The following FAM91A1 variants were observed in gnomAD, a reference collection of about 807,000 sequenced individuals.
FAM91A1 encodes the protein protein FAM91A1.
In FAM91A1, 41 loss-of-function variants were observed where a neutral mutation model predicts 113.5. The observed-to-expected ratio is 0.36, with a 90% confidence interval of 0.28 to 0.47. The LOEUF (loss-of-function observed/expected upper bound fraction) is 0.47, where lower values mean the gene tolerates loss of function less well. Among genes scored for constraint, FAM91A1 ranks in the 20% least tolerant of loss-of-function variants. The pLI, the probability that FAM91A1 is intolerant of heterozygous loss-of-function variation, is 1.00. For synonymous variants in FAM91A1, 307 were observed against 347.9 expected, an observed-to-expected ratio of 0.88 and a Z score of 1.31; for missense variants, 696 against 1,001.2, an observed-to-expected ratio of 0.70 and a Z score of 4.11.
intron 23 of FAM91A1, 26 bp from the exon 24 acceptor site, chr8:123,812,493 A>G (rs1469754713): frequency 3.9e-6 from 6 of 1,547,700 alleles, no homozygotes; most frequent in South Asian, 1.3e-5. Context: ...GTTGAATATC[A>G]TTTCTCTTGT....
intron 16 of FAM91A1, 68 bp from the exon 17 acceptor site, chr8:123,799,452 T>G: frequency 6.8e-7 from 1 of 1,464,590 alleles, no homozygotes; most frequent in Non-Finnish European, 9.2e-7. Context: ...TTGCTGTTTA[T>G]AAGACTGTTC....
At chr8:123,777,227 T>C in intron 3 of FAM91A1, 38 bp from the exon 4 acceptor site, 2 of 1,336,304 alleles carry the variant, frequency 1.5e-6, no homozygotes, top group Non-Finnish European at 2.1e-6. Flanking sequence ...TTTAAGGACA[T>C]TTTAGATTTC....
chr8:123,778,090 A>C lies in FAM91A1; in HGVS notation c.433A>C (p.Lys145Gln). 1 of 1,591,228 alleles carries C rather than the reference A, an allele frequency of 6.3e-7. No individual in the cohort carries two copies. Among genetic ancestry groups the C allele is most frequent in the South Asian group, 1.1e-5 (1 of 89,144 alleles). Residue 145 changes from lysine (K) to glutamine (Q), a missense_variant and splice_region_variant, in exon 5 of 24, where the codon AAA becomes CAA. Coordinates refer to ENST00000334705, the MANE Select transcript of FAM91A1 (RefSeq NM_144963.4). ...IDLMNQCRSS[K>Q]KFFRRKTARD... ...TCTTATGAATCAGTGTAGATCATCA[A>C]AAGTAAGTTAGTACTTTCTTTTTCA... is the stretch of plus-strand genomic sequence containing the variant.
At position 123,773,544 on chromosome 8, in the gene FAM91A1, T is replaced by C. The variant is rs994577281; in HGVS notation, c.73-536T>C. Among the ~76,000 whole-genome samples the C allele has an allele frequency of 2.0e-5, 3 of 152,346 alleles. No individual in the cohort carries two copies. In the East Asian group the frequency reaches 5.8e-4, roughly 29 times the overall value. ...ATTCTAAAATTGTCTAAATGCCTTC[T>C]AATGAGGCCACAGGAGATTGCATTT... On this transcript the variant is annotated intron_variant, in intron 1 of 23. Transcript: ENST00000334705.
chr8:123,815,205 A>G lies in FAM91A1; in HGVS notation c.*2501A>G, dbSNP rs187341886. The G allele has an allele frequency of 6.6e-6, 1 of 152,316 alleles. No homozygotes were observed. Among genetic ancestry groups the G allele is most frequent in the African/African-American group, 2.4e-5 (1 of 41,390 alleles). 9.4% of individuals were successfully genotyped at this position (152,316 alleles called of 1,614,324 possible). On this transcript the variant is annotated 3_prime_UTR_variant, in exon 24 of 24. Coordinates refer to ENST00000334705, the MANE Select transcript of FAM91A1 (RefSeq NM_144963.4). The stretch of plus-strand genomic sequence containing the variant: ...TGTTTTTTTTTCAGGGGAGCGGAAT[A>G]TTGGTTTCTTTTACTTGTTGTTTTC...
intron 1 of FAM91A1, 130 bp downstream of exon 1, chr8:123,768,904 G>A: frequency 1.1e-6 from 1 of 931,530 alleles, no homozygotes; most frequent in Non-Finnish European, 1.7e-6. Flanking sequence ...CCGTGGTCTT[G>A]GGGAGACGGA....
intron 16 of FAM91A1, 125 bp downstream of exon 16, chr8:123,798,363 G>T (rs775177074): frequency 3.7e-6 from 4 of 1,083,736 alleles, no homozygotes; most frequent in Non-Finnish European, 5.2e-6. Context: ...TGTATTTTAT[G>T]CCTTTGTAAG....
At chr8:123,799,677 G>GT (rs1226716508) in intron 17 of FAM91A1, 23 bp downstream of exon 17, 2 of 1,612,510 alleles carry the variant, frequency 1.2e-6, no homozygotes, top group East Asian at 4.5e-5. Flanking sequence ...GGTTTGGGTG[G>GT]TTTTTTTATG....
chr8:123,787,168 T>C (rs1456172692), intron 12 of FAM91A1, 93 bp from the exon 13 acceptor site: 4 of 951,032 alleles, frequency 4.2e-6, no homozygotes, highest in South Asian at 1.5e-5. Flanking sequence ...ACTTTCTGGT[T>C]ATCAAATAAA....
In FAM91A1 at chr8:123,808,928, C is replaced by T; in HGVS notation, c.2173C>T (p.Leu725=). ...TTEADWVPLE[L]CFGIPLFSSE... is the part of the protein sequence containing the mutation. The stretch of plus-strand genomic sequence containing the variant: ...AGAAGCAGATTGGGTTCCTCTCGAG[C>T]TGTGCTTTGGAATTCCACTGTTCAG... Residue 725 remains leucine (L), a synonymous_variant, in exon 22 of 24, where the codon CTG becomes TTG. Transcript: ENST00000334705. 6.2e-7 allele frequency: 1 copy of T among 1,612,196 alleles called. No individual in the cohort carries two copies. Among genetic ancestry groups the T allele is most frequent in the Non-Finnish European group, 8.5e-7 (1 of 1,179,158 alleles).
intron 8 of FAM91A1, 124 bp downstream of exon 8, chr8:123,780,666 C>G (rs937761927): frequency 1.5e-6 from 1 of 689,108 alleles, no homozygotes; most frequent in African/African-American, 1.9e-5. Context: ...TTCGTTATTA[C>G]ATTTTAACAT....
At chr8:123,798,679 A>G (rs1028567641) in intron 16 of FAM91A1, among the ~76,000 whole-genome samples, 5 of 152,182 alleles carry the variant, frequency 3.3e-5, no homozygotes, top group Non-Finnish European at 7.3e-5. Flanking sequence ...CTTTTACTTA[A>G]AAAATATATA....
chr8:123,809,647 C>T (rs1347592615), intron 22 of FAM91A1, among the ~76,000 whole-genome samples: 1 of 152,172 alleles, frequency 6.6e-6, no homozygotes, highest in Non-Finnish European at 1.5e-5. Context: ...GAGGTGAAAT[C>T]CACAAGTCAA....
rs150928954 is a variant in FAM91A1, at chr8:123,788,068, A to G, written c.1278+318A>G. 5.3e-5 allele frequency: 30 copies of G among 567,126 alleles called. 1 individual carries two copies. The East Asian group carries it at 3.3e-3, about 63-fold the overall frequency. The allele number at this position is 567,126 out of a possible 1,614,324, so 35.1% of individuals were successfully genotyped here. A position where few individuals can be genotyped will look rare whatever the true frequency, so the allele number is the denominator to read the frequency against. On this transcript the variant is annotated intron_variant, in intron 14 of 23. Coordinates refer to ENST00000334705, the MANE Select transcript of FAM91A1 (RefSeq NM_144963.4). Reference sequence around the variant, plus strand: ...GAATTTTTGCTAAAATAGCCTTTCAATTTTTTTTCTGGTATGACTCTCTAA... The same window carrying G: ...GAATTTTTGCTAAAATAGCCTTTCAGTTTTTTTTCTGGTATGACTCTCTAA...
intron 15 of FAM91A1, among the ~76,000 whole-genome samples, chr8:123,790,275 C>T (rs1191876195): frequency 6.6e-6 from 1 of 152,212 alleles, no homozygotes; most frequent in Non-Finnish European, 1.5e-5. Flanking sequence ...TGTTGCCCTA[C>T]TGGGCACTCT....
intron 1 of FAM91A1, among the ~76,000 whole-genome samples, chr8:123,771,614 C>T (rs1017368937): frequency 2.6e-5 from 4 of 152,102 alleles, no homozygotes; most frequent in African/African-American, 9.7e-5. Flanking sequence ...CAGGATTTTT[C>T]TGTAGTTTAC....
chr8:123,809,453 T>G (rs1336474309), intron 22 of FAM91A1, among the ~76,000 whole-genome samples: 1 of 152,238 alleles, frequency 6.6e-6, no homozygotes, highest in African/African-American at 2.4e-5. Flanking sequence ...TTTTCTTCAC[T>G]TTCTACATTT....
chr8:123,789,582 T>G, intron 14 of FAM91A1, 31 bp from the exon 15 acceptor site: 1 of 1,611,038 alleles, frequency 6.2e-7, no homozygotes, highest in Non-Finnish European at 8.5e-7. Flanking sequence ...AGTGGTATTT[T>G]TGTTGCAAAA....
chr8:123,783,036 C>G (rs1013565712), intron 8 of FAM91A1, among the ~76,000 whole-genome samples: 1 of 152,016 alleles, frequency 6.6e-6, no homozygotes, highest in Non-Finnish European at 1.5e-5. Flanking sequence ...ATTAGTCATG[C>G]GTGTTGGCAT....
Sources: allele counts gnomAD v4.1 joint callset (sites outside exome capture counted in the v4.1 genomes callset), GRCh38; gene constraint gnomAD v4.1.1; transcripts MANE v1.5; gene names NCBI Gene and HGNC (gene_info 2026-07-23, HGNC 2026-07-21).